The following TANGO6 variants were observed in gnomAD, a reference collection of about 807,000 sequenced individuals.
TANGO6 encodes the protein transport and Golgi organization protein 6 homolog.
In TANGO6, 90 loss-of-function variants were observed where a neutral mutation model predicts 114.2. That is an observed-to-expected ratio of 0.79 (90% CI 0.66 to 0.94). The LOEUF is 0.94. Ranked by LOEUF, TANGO6 falls within the 40% of genes least tolerant of loss-of-function variation. TANGO6 has a pLI of 0.00. For synonymous variants in TANGO6, 477 were observed against 509.8 expected (o/e 0.94, Z 0.87); for missense variants, 1,274 against 1,315.3 (o/e 0.97, Z 0.49).
chr16:68,938,712 A>G (rs913922380), intron 14 of TANGO6, among the ~76,000 whole-genome samples: 1 of 152,094 alleles, frequency 6.6e-6, no homozygotes, highest in Non-Finnish European at 1.5e-5. Flanking sequence ...TCAGCAGGGA[A>G]GTATGGGGGC....
intron 12 of TANGO6, among the ~76,000 whole-genome samples, chr16:68,920,335 G>A (rs1205041582): frequency 3.9e-5 from 6 of 152,226 alleles, no homozygotes; most frequent in African/African-American, 1.4e-4. Context: ...ACTCTTCCAA[G>A]TAAGGAAAAC....
chr16:68,980,663 C>T (rs2152215018), intron 15 of TANGO6, among the ~76,000 whole-genome samples: 1 of 151,822 alleles, frequency 6.6e-6, no homozygotes, highest in South Asian at 2.1e-4. Context: ...CGTGCCACCA[C>T]ACCCAGCAAG....
chr16:68,898,843 T>G (rs1446682591), intron 7 of TANGO6, among the ~76,000 whole-genome samples: 1 of 152,192 alleles, frequency 6.6e-6, no homozygotes, highest in African/African-American at 2.4e-5. Flanking sequence ...TATCAGGTTT[T>G]AATTAACTTC....
At chr16:68,862,822 A>G (rs1203668631) in intron 2 of TANGO6, 123 bp from the exon 3 acceptor site, 2 of 716,968 alleles carry the variant, frequency 2.8e-6, no homozygotes, top group East Asian at 2.7e-5. Context: ...AAGGAAATCA[A>G]GAGAGGATAG....
At chr16:68,931,148 A>G (rs575499865) in intron 14 of TANGO6, among the ~76,000 whole-genome samples, 7 of 152,342 alleles carry the variant, frequency 4.6e-5, no homozygotes, top group African/African-American at 1.7e-4. Flanking sequence ...AGAAGCAGAC[A>G]TGGTGAGGTC....
intron 2 of TANGO6, 39 bp from the exon 3 acceptor site, chr16:68,862,906 G>T (rs1023656020): frequency 7.2e-7 from 1 of 1,379,506 alleles, no homozygotes; most frequent in Non-Finnish European, 1.0e-6. Context: ...TGTCTGCCTG[G>T]TTTGAATTCC....
chr16:69,016,723 G>A (rs544838583), intron 15 of TANGO6, among the ~76,000 whole-genome samples: 333 of 151,908 alleles, frequency 2.2e-3, no homozygotes, highest in Admixed American at 3.7e-3. Flanking sequence ...GCAATGGTGC[G>A]ATCTCAGCTC....
At chr16:68,983,758 G>A (rs138129283) in intron 15 of TANGO6, among the ~76,000 whole-genome samples, 224 of 152,278 alleles carry the variant, frequency 1.5e-3, no homozygotes, top group African/African-American at 4.8e-3. Context: ...GTAGGGCCGG[G>A]CGCGGTGGCT....
chr16:68,847,299 T>A (rs1048311974), intron 1 of TANGO6, among the ~76,000 whole-genome samples: 1 of 152,184 alleles, frequency 6.6e-6, no homozygotes, highest in Non-Finnish European at 1.5e-5. Flanking sequence ...CCTAGTATTA[T>A]TATGAAATGG....
intron 15 of TANGO6, among the ~76,000 whole-genome samples, chr16:68,991,130 T>C (rs1333445798): frequency 6.6e-6 from 1 of 152,198 alleles, no homozygotes; most frequent in Non-Finnish European, 1.5e-5. Context: ...GTTGAGGCTG[T>C]GTTGGGTACC....
chr16:69,038,623 A>G (rs899857971), intron 16 of TANGO6, among the ~76,000 whole-genome samples: 5 of 152,202 alleles, frequency 3.3e-5, no homozygotes, highest in African/African-American at 1.2e-4. Context: ...TCTGCCTACC[A>G]GGAGCCAGGC....
chr16:69,055,972 G>T (rs1214729767), intron 17 of TANGO6, among the ~76,000 whole-genome samples: 4 of 152,010 alleles, frequency 2.6e-5, no homozygotes, highest in Non-Finnish European at 5.9e-5. Context: ...CCAGGAGGCG[G>T]AGGTTGCAGT....
intron 14 of TANGO6, among the ~76,000 whole-genome samples, chr16:68,952,999 T>TTTG (rs959168204): frequency 3.3e-5 from 5 of 151,320 alleles, no homozygotes; most frequent in African/African-American, 1.2e-4. Flanking sequence ...GGGTTTTCTT[T>TTTG]TTGTTGTTGT....
intron 11 of TANGO6, among the ~76,000 whole-genome samples, chr16:68,915,897 T>C (rs1962997116): frequency 6.6e-6 from 1 of 152,212 alleles, no homozygotes; most frequent in Non-Finnish European, 1.5e-5. Flanking sequence ...TTTGGAGGCT[T>C]ATTATGACCT....
intron 17 of TANGO6, among the ~76,000 whole-genome samples, chr16:69,066,932 C>T (rs967121668): frequency 1.3e-5 from 2 of 152,048 alleles, no homozygotes; most frequent in African/African-American, 2.4e-5. Context: ...TTTCTTGCTT[C>T]GTTACCCTGG....
chr16:68,963,144 T>G (rs1431991295), intron 14 of TANGO6, among the ~76,000 whole-genome samples: 1 of 140,440 alleles, frequency 7.1e-6, no homozygotes, highest in Non-Finnish European at 1.5e-5. Context: ...TGAAACAGAG[T>G]CTCACTCTGT....
At chr16:68,897,579 ATTT>A (rs36068754) in intron 7 of TANGO6, among the ~76,000 whole-genome samples, 1 of 141,614 alleles carries the variant, frequency 7.1e-6, no homozygotes. Context: ...AAATTAGCGG[ATTT>A]TTTTTTTTTT....
chr16:68,910,108 G>T (rs1962902671), intron 11 of TANGO6, among the ~76,000 whole-genome samples: 1 of 152,210 alleles, frequency 6.6e-6, no homozygotes, highest in Admixed American at 6.5e-5. Flanking sequence ...ACCAGAATTA[G>T]TTGTAGCTTG....
At position 68,907,496 on chromosome 16, in the gene TANGO6, G is replaced by A. The variant is rs371674548; in HGVS notation, c.1721G>A (p.Arg574Gln). 3.0e-5 allele frequency: 48 copies of A among 1,613,596 alleles called. No homozygotes were observed. The highest frequency in any genetic ancestry group is 2.8e-4 in the African/African-American group (21 of 74,872). The stretch of plus-strand genomic sequence containing the variant: ...CAGAAGGTATCCTCTGAGCAGGGCC[G>A]GGTGGAGCATCTCGGGGACTTGCTG... ...LYQKVSSEQG[R>Q]VEHLGDLLSH... Residue 574 changes from arginine to glutamine, a missense_variant, in exon 10 of 18, where the codon CGG becomes CAG. Arg to Gln is a conservative substitution (Grantham distance 43). This residue lies in a region of TANGO6 where 908 missense variants were observed against 910.2 expected (regional missense o/e 1.00). Transcript: ENST00000261778.
Sources: gnomAD v4.1 joint callset for allele counts (sites outside exome capture counted in the v4.1 genomes callset) on GRCh38, gnomAD v4.1.1 for gene constraint, gnomAD v4.1.1 regional missense constraint, MANE v1.5 for transcripts, NCBI Gene and HGNC (gene_info 2026-07-23, HGNC 2026-07-21) for gene names.